SHROOM3: variants seen among roughly 807,000 people sequenced by gnomAD.
SHROOM3 encodes shroom family member 3.
SHROOM3 carries 47 observed loss-of-function variants against 138.6 expected under a neutral mutation model. That is an observed-to-expected ratio of 0.34 (90% CI 0.27 to 0.43). The LOEUF is 0.43. SHROOM3 is among the 20% of genes least tolerant of loss of function. The pLI is 1.00. For synonymous variants in SHROOM3, 1,062 were observed against 1,063.3 expected, an observed-to-expected ratio of 1.00 and a Z score of 0.02; for missense variants, 2,491 against 2,596.5, an observed-to-expected ratio of 0.96 and a Z score of 0.88.
intron 1 of SHROOM3, among the ~76,000 whole-genome samples, chr4:76,518,960 A>C (rs1202304102): frequency 6.6e-6 from 1 of 152,100 alleles, no homozygotes; most frequent in Non-Finnish European, 1.5e-5. Context: ...TTCTCCTAAC[A>C]CTGCCTCTCT....
At chr4:76,605,295 G>A (rs1054927699) in intron 2 of SHROOM3, among the ~76,000 whole-genome samples, 2 of 152,122 alleles carry the variant, frequency 1.3e-5, no homozygotes, top group Admixed American at 6.6e-5. Context: ...GGATTTGCCC[G>A]GGAAATACCT....
chr4:76,731,196 A>G (rs1029187942), intron 4 of SHROOM3, among the ~76,000 whole-genome samples: 1 of 152,166 alleles, frequency 6.6e-6, no homozygotes, highest in South Asian at 2.1e-4. Context: ...GGGTCCATCA[A>G]TTCTCAGACA....
Position 76,675,248 on chromosome 4 carries a change from A to T in SHROOM3, c.324-34908A>T, listed in dbSNP as rs866522201. 3.9e-5 allele frequency among the ~76,000 whole-genome samples: 6 copies of T among 152,290 alleles called. No homozygotes were observed. In the South Asian group the frequency reaches 1.0e-3, roughly 26 times the overall value. On this transcript the variant is annotated intron_variant, in intron 2 of 10. Coordinates refer to ENST00000296043, the MANE Select transcript of SHROOM3 (RefSeq NM_020859.4). The stretch of plus-strand genomic sequence containing the variant: ...AGCACCGGTGAAAACACACCCATTT[A>T]TGAAGAACAGGGATCTCATGCTGGA...
At chr4:76,742,140 G>T (rs1721282912) in intron 5 of SHROOM3, 1 of 665,294 alleles carries the variant, frequency 1.5e-6, no homozygotes, top group Admixed American at 2.2e-5. Context: ...TACGTATGTT[G>T]TTATACAGAT....
chr4:76,638,392 A>C (rs915412288), intron 2 of SHROOM3, among the ~76,000 whole-genome samples: 4 of 151,018 alleles, frequency 2.6e-5, no homozygotes, highest in African/African-American at 9.7e-5. Context: ...TGTTTCAACA[A>C]AAAAAAAATC....
At chr4:76,622,249 A>G (rs1735023035) in intron 2 of SHROOM3, among the ~76,000 whole-genome samples, 1 of 152,172 alleles carries the variant, frequency 6.6e-6, no homozygotes, top group Admixed American at 6.5e-5. Context: ...TTGTGAATTT[A>G]TCTTTAAAGG....
intron 1 of SHROOM3, among the ~76,000 whole-genome samples, chr4:76,549,147 GT>G (rs1214701331): frequency 1.3e-5 from 2 of 151,928 alleles, no homozygotes; most frequent in African/African-American, 4.8e-5. Context: ...TGTAAACAAG[GT>G]TTTTTTAGTC....
At chr4:76,489,032 C>G (rs982115355) in intron 1 of SHROOM3, among the ~76,000 whole-genome samples, 4 of 152,200 alleles carry the variant, frequency 2.6e-5, no homozygotes, top group African/African-American at 9.7e-5. Context: ...AATATGGTGC[C>G]TAGCCAGGGC....
chr4:76,500,325 C>T (rs940948316), intron 1 of SHROOM3, among the ~76,000 whole-genome samples: 6 of 152,112 alleles, frequency 3.9e-5, no homozygotes, highest in African/African-American at 1.4e-4. Flanking sequence ...TGTTAGAGGA[C>T]ACAGCTCCTG....
At chr4:76,720,018 C>G (rs1553941414) in intron 3 of SHROOM3, among the ~76,000 whole-genome samples, 8 of 152,198 alleles carry the variant, frequency 5.3e-5, no homozygotes, top group Non-Finnish European at 1.2e-4. Flanking sequence ...AACAACTTTT[C>G]TTTCCAGAAG....
intron 1 of SHROOM3, among the ~76,000 whole-genome samples, chr4:76,538,430 G>A (rs73826262): frequency 0.032 from 4,917 of 152,200 alleles, 280 homozygotes; most frequent in African/African-American, 0.11. Context: ...GTACTGGAAG[G>A]ACATCTGTGA....
chr4:76,578,688 C>A (rs369636550), intron 2 of SHROOM3, among the ~76,000 whole-genome samples: 61 of 152,190 alleles, frequency 4.0e-4, no homozygotes, highest in East Asian at 3.3e-3. Context: ...CTTGATGGAA[C>A]CTTTTGTGGG....
chr4:76,473,825 G>A (rs1352306861), intron 1 of SHROOM3, among the ~76,000 whole-genome samples: 1 of 152,178 alleles, frequency 6.6e-6, no homozygotes, highest in Non-Finnish European at 1.5e-5. Context: ...AAAAGTGTTG[G>A]CCAGGATGTG....
Position 76,588,192 on chromosome 4 carries a change from C to G in SHROOM3, c.323+32429C>G, listed in dbSNP as rs374150150. Among the ~76,000 whole-genome samples, 77 of 152,258 alleles carry G rather than the reference C, an allele frequency of 5.1e-4. 1 individual carries two copies. The South Asian group carries it at 0.016, about 31-fold the overall frequency. On this transcript the variant is annotated intron_variant, in intron 2 of 10. Coordinates refer to ENST00000296043, the MANE Select transcript of SHROOM3 (RefSeq NM_020859.4). ...TTTCATATTAAGAGTGTAGAAAGCCCTTGTTCAGGTCTGCAGAGTACCAGG... is the reference window on the plus strand; with the variant it reads ...TTTCATATTAAGAGTGTAGAAAGCCGTTGTTCAGGTCTGCAGAGTACCAGG...
intron 1 of SHROOM3, among the ~76,000 whole-genome samples, chr4:76,477,222 G>T (rs1465894014): frequency 1.3e-5 from 2 of 152,134 alleles, no homozygotes; most frequent in Non-Finnish European, 2.9e-5. Flanking sequence ...CCCCCACTCG[G>T]CCTCCCAAAG....
At chr4:76,555,000 C>A (rs983871240) in intron 1 of SHROOM3, among the ~76,000 whole-genome samples, 1 of 151,286 alleles carries the variant, frequency 6.6e-6, no homozygotes. Context: ...GCCTGAAGAT[C>A]TGTCACTATC....
At chr4:76,536,110 T>A (rs1732949067) in intron 1 of SHROOM3, among the ~76,000 whole-genome samples, 1 of 152,190 alleles carries the variant, frequency 6.6e-6, no homozygotes. Context: ...AGTATGGAAT[T>A]TGGGCAAATG....
intron 2 of SHROOM3, among the ~76,000 whole-genome samples, chr4:76,583,204 A>G (rs1318278274): frequency 2.0e-5 from 3 of 152,132 alleles, no homozygotes; most frequent in Admixed American, 6.5e-5. Context: ...TGCACATTCC[A>G]GTGTAAAGAA....
chr4:76,551,954 T>C (rs576721545), intron 1 of SHROOM3, among the ~76,000 whole-genome samples: 488 of 150,240 alleles, frequency 3.2e-3, no homozygotes, highest in South Asian at 0.014. Context: ...CTCTGCCTCC[T>C]GGGTTCACGC....
Sources: gnomAD v4.1 joint callset for allele counts (sites outside exome capture counted in the v4.1 genomes callset) on GRCh38, gnomAD v4.1.1 for gene constraint, MANE v1.5 for transcripts, NCBI Gene and HGNC (gene_info 2026-07-23, HGNC 2026-07-21) for gene names.